ITPK1: variants seen among roughly 807,000 people sequenced by gnomAD.
The protein encoded by ITPK1 is inositol 1,3,4-trisphosphate 5/6-kinase.
Under a neutral mutation model 45.3 loss-of-function variants are expected in ITPK1, and 21 were observed. The ratio of observed to expected loss-of-function variants is 0.46; its 90% CI spans 0.33 to 0.67. ITPK1 has a LOEUF of 0.67. Ranked by LOEUF, ITPK1 falls within the 30% of genes least tolerant of loss-of-function variation. The pLI is 0.02. For missense variants in ITPK1, 474 were observed against 573.5 expected (o/e 0.83, Z 1.77); for synonymous variants, 258 against 253.6 (o/e 1.02, Z -0.16).
intron 5 of ITPK1, among the ~76,000 whole-genome samples, chr14:92,986,343 C>A (rs1886483331): frequency 6.6e-6 from 1 of 152,176 alleles, no homozygotes. Flanking sequence ...CCAGGAGACT[C>A]AGTGTGAGTA....
rs116760861 is a variant in ITPK1, at chr14:92,991,379, G to A, written c.364+2501C>T. On this transcript the variant is annotated intron_variant, in intron 5 of 10. Coordinates refer to ENST00000267615, the MANE Select transcript of ITPK1 (RefSeq NM_014216.6). Reference sequence around the variant, plus strand: ...ATACAAGCCCAGGCTCGGCGTGCACGATAAGGAAAACCCAGCGTGCAACAT... The same window carrying A: ...ATACAAGCCCAGGCTCGGCGTGCACAATAAGGAAAACCCAGCGTGCAACAT... Among the ~76,000 whole-genome samples the A allele has an allele frequency of 8.6e-3, 1,298 of 151,748 alleles. 22 individuals are homozygous for A. The highest frequency in any genetic ancestry group is 0.03 in the African/African-American group (1,232 of 41,360).
At chr14:92,984,193 T>A (rs1886376978) in intron 5 of ITPK1, among the ~76,000 whole-genome samples, 2 of 152,152 alleles carry the variant, frequency 1.3e-5, no homozygotes, top group South Asian at 4.1e-4. Flanking sequence ...TTAAACAGAT[T>A]CGAGAAGCAC....
In ITPK1 at chr14:92,937,832, G is replaced by A. The variant is rs918013274; in HGVS notation, c.*3729C>T. On this transcript the variant is annotated 3_prime_UTR_variant, in exon 11 of 11. Transcript: ENST00000267615. Reference sequence around the variant, plus strand: ...TCTCTGCCTCCCGGTCACCAGGCTGGAGGGGTCGTGCTCCTTTAGGGCAGC... The same window carrying A: ...TCTCTGCCTCCCGGTCACCAGGCTGAAGGGGTCGTGCTCCTTTAGGGCAGC... 9.8e-5 allele frequency: 15 copies of A among 152,642 alleles called. No individual in the cohort carries two copies. The highest frequency in any genetic ancestry group is 3.6e-4 in the African/African-American group (15 of 41,472). 9.5% of individuals were successfully genotyped at this position (152,642 alleles called of 1,614,324 possible).
intron 5 of ITPK1, among the ~76,000 whole-genome samples, chr14:92,965,270 T>A (rs537066420): frequency 6.6e-6 from 1 of 152,310 alleles, no homozygotes; most frequent in African/African-American, 2.4e-5. Context: ...AAAAACCACA[T>A]GATCATCTCA....
intron 10 of ITPK1, among the ~76,000 whole-genome samples, chr14:92,942,972 C>A (rs971478178): frequency 6.6e-6 from 1 of 152,266 alleles, no homozygotes; most frequent in Admixed American, 6.5e-5. Flanking sequence ...CCACCTCTTA[C>A]AGTGCCCAGG....
intron 3 of ITPK1, among the ~76,000 whole-genome samples, chr14:93,065,603 G>A (rs1307735518): frequency 6.6e-6 from 1 of 152,208 alleles, no homozygotes; most frequent in Non-Finnish European, 1.5e-5. Context: ...GCTGGACACA[G>A]CTGACTAGCT....
chr14:92,971,798 G>A (rs1014356570), intron 5 of ITPK1, among the ~76,000 whole-genome samples: 19 of 152,230 alleles, frequency 1.2e-4, no homozygotes, highest in Non-Finnish European at 5.9e-5. Flanking sequence ...GGTGGTTGCA[G>A]GGACGCGGTG....
chr14:92,940,573 G>A lies in ITPK1; in HGVS notation c.*988C>T, dbSNP rs1887313117. On this transcript the variant is annotated 3_prime_UTR_variant, in exon 11 of 11. Coordinates refer to ENST00000267615, the MANE Select transcript of ITPK1 (RefSeq NM_014216.6). ...AAAGGAGTGAACCCACTGGGAAGAG[G>A]GCCCCGATCTCCATGGTGTCATGCC... The A allele has an allele frequency of 1.7e-6, 2 of 1,182,930 alleles. No individual in the cohort carries two copies. Among genetic ancestry groups the A allele is most frequent in the Non-Finnish European group, 2.1e-6 (2 of 938,314 alleles). 73.3% of individuals were successfully genotyped at this position (1,182,930 alleles called of 1,614,324 possible). A position where few individuals can be genotyped will look rare whatever the true frequency, so the allele number is the denominator to read the frequency against.
chr14:92,991,479 C>T (rs1378211367), intron 5 of ITPK1, among the ~76,000 whole-genome samples: 1 of 151,690 alleles, frequency 6.6e-6, no homozygotes, highest in East Asian at 2.0e-4. Context: ...ACAGCTCTCC[C>T]TGGACCTGTT....
chr14:93,046,976 C>T (rs1435442454), intron 3 of ITPK1, among the ~76,000 whole-genome samples: 2 of 152,182 alleles, frequency 1.3e-5, no homozygotes, highest in African/African-American at 4.8e-5. Flanking sequence ...CCTTCCCTCT[C>T]CATTCACCTC....
intron 4 of ITPK1, among the ~76,000 whole-genome samples, chr14:92,998,734 A>G (rs965731165): frequency 2.0e-5 from 3 of 152,210 alleles, no homozygotes; most frequent in Admixed American, 2.0e-4. Context: ...TGCACCCCTA[A>G]GTGTGCCAGA....
chr14:93,037,507 G>A (rs1361822983), intron 3 of ITPK1, among the ~76,000 whole-genome samples: 2 of 152,196 alleles, frequency 1.3e-5, no homozygotes, highest in African/African-American at 4.8e-5. Context: ...CAGCCACCTA[G>A]ATGCACCTTA....
chr14:93,091,470 CT>C (rs2140006698), intron 2 of ITPK1, among the ~76,000 whole-genome samples: 1 of 152,360 alleles, frequency 6.6e-6, no homozygotes, highest in Admixed American at 6.5e-5. Context: ...TCTTCATTCT[CT>C]CTTTTTAATC....
Position 92,941,129 on chromosome 14 carries a change from T to C in ITPK1, c.*432A>G, listed in dbSNP as rs1595068484. ...GGGAGTCAGGCAGAAGGGAAGCCAC[T>C]CTCACATGCACCGATCAGCCTCCCA... is the stretch of plus-strand genomic sequence containing the variant. On this transcript the variant is annotated 3_prime_UTR_variant, in exon 11 of 11. Coordinates refer to ENST00000267615, the MANE Select transcript of ITPK1 (RefSeq NM_014216.6). 2 of 1,205,308 alleles carry C rather than the reference T, an allele frequency of 1.7e-6. No homozygotes were observed. Among genetic ancestry groups the C allele is most frequent in the East Asian group, 1.1e-4 (2 of 17,832 alleles). The allele number at this position is 1,205,308 out of a possible 1,614,324, so 74.7% of individuals were successfully genotyped here.
At chr14:93,043,737 A>C (rs1889662127) in intron 3 of ITPK1, among the ~76,000 whole-genome samples, 1 of 152,196 alleles carries the variant, frequency 6.6e-6, no homozygotes, top group Non-Finnish European at 1.5e-5. Flanking sequence ...ATCTGTTCCA[A>C]GCGCACGTCA....
At chr14:93,027,887 C>T (rs529036007) in intron 3 of ITPK1, among the ~76,000 whole-genome samples, 1 of 152,332 alleles carries the variant, frequency 6.6e-6, no homozygotes, top group Admixed American at 6.5e-5. Flanking sequence ...CCAAGGAATC[C>T]TGGCTCTCCT....
Position 92,938,825 on chromosome 14 carries a change from C to A in ITPK1, c.*2736G>T. On this transcript the variant is annotated 3_prime_UTR_variant, in exon 11 of 11. Transcript: ENST00000267615. The stretch of plus-strand genomic sequence containing the variant: ...GGGTTATGTTTGCAGAATCACATCA[C>A]CATATAATCAAAGCACTGTCAGGCA... 1.8e-6 allele frequency: 1 copy of A among 543,552 alleles called. No individual in the cohort carries two copies. Among genetic ancestry groups the A allele is most frequent in the Non-Finnish European group, 3.3e-6 (1 of 304,748 alleles). 33.7% of individuals were successfully genotyped at this position (543,552 alleles called of 1,614,324 possible). A position where few individuals can be genotyped will look rare whatever the true frequency, so the allele number is the denominator to read the frequency against.
intron 5 of ITPK1, among the ~76,000 whole-genome samples, chr14:92,988,045 C>A (rs540715196): frequency 6.6e-6 from 1 of 152,210 alleles, no homozygotes; most frequent in Admixed American, 6.5e-5. Flanking sequence ...ACTGAAAGGG[C>A]GGGTCTCAGC....
intron 2 of ITPK1, among the ~76,000 whole-genome samples, chr14:93,095,179 C>A (rs1169315609): frequency 1.3e-5 from 2 of 152,204 alleles, no homozygotes; most frequent in Non-Finnish European, 2.9e-5. Flanking sequence ...GACCACAGCA[C>A]CACCTACATA....
Sources: allele counts gnomAD v4.1 joint callset (sites outside exome capture counted in the v4.1 genomes callset), GRCh38; gene constraint gnomAD v4.1.1; transcripts MANE v1.5; gene names NCBI Gene and HGNC (gene_info 2026-07-23, HGNC 2026-07-21).